EEF2K: variants seen among roughly 807,000 people sequenced by gnomAD.
EEF2K encodes eukaryotic elongation factor 2 kinase.
EEF2K carries 70 observed loss-of-function variants against 93.8 expected under a neutral mutation model. The observed-to-expected ratio is 0.75, with a 90% CI of 0.62 to 0.91. The LOEUF (loss-of-function observed/expected upper bound fraction) is 0.91. Ranked by LOEUF, EEF2K falls within the 40% of genes least tolerant of loss-of-function variation. EEF2K has a pLI of 0.00. For synonymous variants in EEF2K, 376 were observed against 380.8 expected (o/e 0.99, Z 0.15); for missense variants, 935 against 972.9 (o/e 0.96, Z 0.52).
Position 22,260,305 on chromosome 16 carries a change from G to A in EEF2K, c.1232-157G>A, listed in dbSNP as rs566293522. On this transcript the variant is annotated intron_variant, in intron 10 of 17. Transcript: ENST00000263026. ...CTCAAGGAAGAACTTTAGCCTCCAG[G>A]TGCTGATAACATTCTTCTCCTTTTT... Among the ~76,000 whole-genome samples, 6 of 152,112 alleles carry A rather than the reference G, an allele frequency of 3.9e-5. No individual in the cohort carries two copies. In the South Asian group the frequency reaches 1.2e-3, roughly 32 times the overall value.
chr16:22,238,404 G>A (rs1028290311), intron 2 of EEF2K, among the ~76,000 whole-genome samples: 1 of 151,956 alleles, frequency 6.6e-6, no homozygotes, highest in Non-Finnish European at 1.5e-5. Context: ...TGATCATTAT[G>A]GCATTATAAG....
intron 15 of EEF2K, among the ~76,000 whole-genome samples, chr16:22,272,881 C>T (rs560322646): frequency 2.6e-5 from 4 of 152,138 alleles, no homozygotes; most frequent in East Asian, 3.9e-4. Context: ...AGGCTGGTCT[C>T]GAACTGCTGA....
At chr16:22,271,100 G>A (rs1598203971) in intron 15 of EEF2K, among the ~76,000 whole-genome samples, 1 of 151,548 alleles carries the variant, frequency 6.6e-6, no homozygotes, top group East Asian at 1.9e-4. Context: ...CACCCAAGTA[G>A]CTGGGATTAC....
In EEF2K at chr16:22,284,366, C is replaced by T. The variant is rs186113573; in HGVS notation, c.*370C>T. The T allele has an allele frequency of 1.3e-4, 25 of 185,686 alleles. No homozygotes were observed. The highest frequency in any genetic ancestry group is 4.5e-4 in the African/African-American group (19 of 42,572). 11.5% of individuals were successfully genotyped at this position (185,686 alleles called of 1,614,324 possible). A position where few individuals can be genotyped will look rare whatever the true frequency, so the allele number is the denominator to read the frequency against. ...CATGATCTTAGCTCACTGCAACCTC[C>T]GCCTCCTGGGTTCAAGTGATTCTCC... is the stretch of plus-strand genomic sequence containing the variant. On this transcript the variant is annotated 3_prime_UTR_variant, in exon 18 of 18. Transcript: ENST00000263026.
At chr16:22,246,362 A>G (rs2141666358) in intron 3 of EEF2K, among the ~76,000 whole-genome samples, 1 of 151,730 alleles carries the variant, frequency 6.6e-6, no homozygotes, top group Non-Finnish European at 1.5e-5. Flanking sequence ...TCTCTTCTAA[A>G]AATTTAGCCG....
chr16:22,263,406 C>T (rs1035975201), intron 12 of EEF2K: 1 of 257,878 alleles, frequency 3.9e-6, no homozygotes, highest in South Asian at 4.8e-5. Context: ...ATCAGGAGTT[C>T]GAGACCAGCC....
chr16:22,267,458 GGT>G (rs901439008), intron 15 of EEF2K, among the ~76,000 whole-genome samples: 15 of 152,190 alleles, frequency 9.9e-5, no homozygotes, highest in African/African-American at 3.4e-4. Flanking sequence ...AGCCGGACGT[GGT>G]GGCACACACC....
intron 1 of EEF2K, among the ~76,000 whole-genome samples, chr16:22,212,250 CA>C (rs1381053888): frequency 1.3e-5 from 2 of 152,068 alleles, no homozygotes; most frequent in African/African-American, 4.8e-5. Context: ...GAGCCTTTAG[CA>C]GAGCAAATGA....
chr16:22,239,437 G>A (rs1412710991), intron 2 of EEF2K, among the ~76,000 whole-genome samples: 2 of 152,154 alleles, frequency 1.3e-5, no homozygotes, highest in African/African-American at 4.8e-5. Context: ...AACCCTGCAG[G>A]CTCTCCTGAC....
chr16:22,257,599 C>G (rs761009139), intron 8 of EEF2K, 44 bp from the exon 9 acceptor site: 50 of 1,602,594 alleles, frequency 3.1e-5, no homozygotes, highest in Non-Finnish European at 4.3e-5. Flanking sequence ...TGTCCCCCGT[C>G]ACAGAGCAAA....
intron 2 of EEF2K, among the ~76,000 whole-genome samples, chr16:22,240,554 T>C (rs929931369): frequency 2.6e-5 from 4 of 152,146 alleles, no homozygotes; most frequent in African/African-American, 9.6e-5. Flanking sequence ...CTAGGAAATG[T>C]TGGAGGGAAC....
chr16:22,266,353 C>T lies in EEF2K; in HGVS notation c.1441-37C>T, dbSNP rs527728457. 44 of 1,593,782 alleles carry T rather than the reference C, an allele frequency of 2.8e-5. No homozygotes were observed. The South Asian group carries it at 4.9e-4, about 18-fold the overall frequency. Reference sequence around the variant, plus strand: ...ACAGCTGTGATGCTGCGTCCACCCCCAGCCCCTCGCTTCCCTGGCCGGTTC... The same window carrying T: ...ACAGCTGTGATGCTGCGTCCACCCCTAGCCCCTCGCTTCCCTGGCCGGTTC... On this transcript the variant is annotated intron_variant, in intron 13 of 17. Transcript: ENST00000263026.
chr16:22,248,041 ATTTATT>A (rs71879005), intron 3 of EEF2K, among the ~76,000 whole-genome samples: 52,200 of 150,202 alleles, frequency 0.35, 10,008 homozygotes, highest in East Asian at 0.85. Flanking sequence ...TTATGTATGT[ATTTATT>A]TTTATTTTTA....
At chr16:22,236,969 G>T (rs2047174411) in intron 2 of EEF2K, among the ~76,000 whole-genome samples, 1 of 96,490 alleles carries the variant, frequency 1.0e-5, no homozygotes, top group Non-Finnish European at 1.8e-5. Context: ...TTTTGAGACA[G>T]AGTCTTGCTC....
intron 2 of EEF2K, among the ~76,000 whole-genome samples, chr16:22,227,602 C>T (rs2047076370): frequency 6.6e-6 from 1 of 152,142 alleles, no homozygotes; most frequent in Non-Finnish European, 1.5e-5. Context: ...ATGAAATTTG[C>T]ATTTATTTAT....
At chr16:22,235,258 A>G (rs1309479427) in intron 2 of EEF2K, among the ~76,000 whole-genome samples, 2 of 152,022 alleles carry the variant, frequency 1.3e-5, no homozygotes, top group African/African-American at 4.8e-5. Flanking sequence ...ATCTTAGTGT[A>G]TAGTTCAGAC....
chr16:22,264,631 A>T (rs2047499435), intron 12 of EEF2K, among the ~76,000 whole-genome samples, 187 bp from the exon 13 acceptor site: 1 of 152,176 alleles, frequency 6.6e-6, no homozygotes, highest in Non-Finnish European at 1.5e-5. Flanking sequence ...CCTGTGACCC[A>T]GCATCCCTTC....
chr16:22,273,732 A>G lies in EEF2K; in HGVS notation c.1871A>G (p.Gln624Arg), dbSNP rs34284811. 1.2e-6 allele frequency: 2 copies of G among 1,613,816 alleles called. No homozygotes were observed. The highest frequency in any genetic ancestry group is 2.7e-5 in the African/African-American group (2 of 74,930). Reference sequence around the variant, plus strand: ...GTGGCGCGAGCTTTTGACTCTGGCCAGAACCTCAGCCCGGACAGGTACTGC... The same window carrying G: ...GTGGCGCGAGCTTTTGACTCTGGCCGGAACCTCAGCCCGGACAGGTACTGC... ...ILVARAFDSG[Q>R]NLSPDRCQDW... The change falls in exon 16 of 18, where the codon CAG (glutamine) becomes CGG (arginine). Residue 624 changes from glutamine to arginine, a missense_variant. Physicochemically the swap from Gln to Arg is conservative, Grantham distance 43. Transcript: ENST00000263026.
chr16:22,224,643 A>G lies in EEF2K; in HGVS notation c.-76-1011A>G, dbSNP rs541405019. Among the ~76,000 whole-genome samples, 538 of 140,302 alleles carry G rather than the reference A, an allele frequency of 3.8e-3. 7 individuals carry two copies. The highest frequency in any genetic ancestry group is 0.015 in the African/African-American group (510 of 34,078). 92.0% of individuals were successfully genotyped at this position (140,302 alleles called of 152,430 possible). A position where few individuals can be genotyped will look rare whatever the true frequency, so the allele number is the denominator to read the frequency against. On this transcript the variant is annotated intron_variant, in intron 1 of 17. Transcript: ENST00000263026. Reference sequence around the variant, plus strand: ...CAGAGCAAGATTCTGTCTCAAAAAAAAAAAGAAAAGAAAAGAAAAAGAAAA... The same window carrying G: ...CAGAGCAAGATTCTGTCTCAAAAAAGAAAAGAAAAGAAAAGAAAAAGAAAA...
Sources: gnomAD v4.1 joint callset for allele counts (sites outside exome capture counted in the v4.1 genomes callset) on GRCh38, gnomAD v4.1.1 for gene constraint, MANE v1.5 for transcripts, NCBI Gene and HGNC (gene_info 2026-07-23, HGNC 2026-07-21) for gene names.